GRK5: variants seen among roughly 807,000 people sequenced by gnomAD.
GRK5 encodes the protein g protein-coupled receptor kinase GRK5.
In GRK5, 40 loss-of-function variants were observed where a neutral mutation model predicts 78.4. The ratio of observed to expected loss-of-function variants is 0.51; its 90% CI spans 0.40 to 0.66. The LOEUF (loss-of-function observed/expected upper bound fraction) is 0.66. Among genes scored for constraint, GRK5 ranks in the 30% least tolerant of loss-of-function variants. The pLI, the probability that GRK5 is intolerant of heterozygous loss-of-function variation, is 0.00. For missense variants in GRK5, 598 were observed against 759.9 expected (o/e 0.79, Z 2.50); for synonymous variants, 289 against 296.8 (o/e 0.97, Z 0.27).
At chr10:119,333,825 A>G in intron 2 of GRK5, 1 of 533,056 alleles carries the variant, frequency 1.9e-6, no homozygotes, top group Non-Finnish European at 3.8e-6. Flanking sequence ...ATGGGAGACC[A>G]ACTGAAATTA....
intron 3 of GRK5, among the ~76,000 whole-genome samples, chr10:119,381,803 C>G (rs1851713838): frequency 6.6e-6 from 1 of 152,098 alleles, no homozygotes; most frequent in Non-Finnish European, 1.5e-5. Context: ...CCTGAAGGGC[C>G]CTCATGCCAC....
chr10:119,344,922 C>CTTCCTTCA lies in GRK5; in HGVS notation c.148+18318_148+18319insATTCCTTC, dbSNP rs1254650453. Among the ~76,000 whole-genome samples the CTTCCTTCA allele has an allele frequency of 5.0e-4, 73 of 144,620 alleles. 1 individual carries two copies. Among genetic ancestry groups the CTTCCTTCA allele is most frequent in the African/African-American group, 1.8e-3 (71 of 39,238 alleles). The allele number at this position is 144,620 out of a possible 152,430, so 94.9% of individuals were successfully genotyped here. A position where few individuals can be genotyped will look rare whatever the true frequency, so the allele number is the denominator to read the frequency against. The stretch of plus-strand genomic sequence containing the variant: ...CCTTCCTTCCTTCCTTCCTTCCTTC[C>CTTCCTTCA]TTCCTTCCTTCCTTTTCCTCCCTCC... On this transcript the variant is annotated intron_variant, in intron 2 of 15. Coordinates refer to ENST00000392870, the MANE Select transcript of GRK5 (RefSeq NM_005308.3).
chr10:119,282,570 T>A (rs1849779696), intron 1 of GRK5, among the ~76,000 whole-genome samples: 1 of 152,180 alleles, frequency 6.6e-6, no homozygotes. Flanking sequence ...GCTGCGGCCC[T>A]GGATGGGCTC....
At chr10:119,259,266 G>A (rs1034909494) in intron 1 of GRK5, among the ~76,000 whole-genome samples, 4 of 151,442 alleles carry the variant, frequency 2.6e-5, no homozygotes, top group African/African-American at 4.9e-5. Flanking sequence ...GGGTTTCACC[G>A]TGTTAGCCAG....
intron 1 of GRK5, among the ~76,000 whole-genome samples, chr10:119,225,820 A>T (rs1459932825): frequency 6.9e-6 from 1 of 145,268 alleles, no homozygotes; most frequent in East Asian, 2.0e-4. Context: ...ACAGGCATGC[A>T]CCACTGTGCC....
At chr10:119,212,603 A>G (rs552259772) in intron 1 of GRK5, among the ~76,000 whole-genome samples, 2 of 152,218 alleles carry the variant, frequency 1.3e-5, no homozygotes, top group Non-Finnish European at 2.9e-5. Flanking sequence ...ACTGTGGGCA[A>G]TATTCAAAGT....
intron 1 of GRK5, 131 bp downstream of exon 1, chr10:119,208,100 C>G (rs1396382188): frequency 3.9e-6 from 3 of 778,738 alleles, no homozygotes; most frequent in African/African-American, 3.7e-5. Context: ...GAGCAGGACA[C>G]TTCGGAGAGC....
At chr10:119,351,916 C>G (rs965261676) in intron 2 of GRK5, among the ~76,000 whole-genome samples, 5 of 152,216 alleles carry the variant, frequency 3.3e-5, no homozygotes, top group African/African-American at 1.2e-4. Flanking sequence ...GGATCCAGGT[C>G]TGTCAACTCC....
At chr10:119,295,467 G>T (rs374519039) in intron 1 of GRK5, among the ~76,000 whole-genome samples, 19 of 152,128 alleles carry the variant, frequency 1.2e-4, no homozygotes, top group African/African-American at 4.6e-4. Context: ...CCACTCCTGG[G>T]TATCTACCCA....
At position 119,207,587 on chromosome 10, in the gene GRK5, T is replaced by G; in HGVS notation, c.-331T>G. Reference sequence around the variant, plus strand: ...AGGGGAGGCAGAAGCATCCGAGGCATTAAAGCATCCGAGGGAGCCGGAGGG... The same window carrying G: ...AGGGGAGGCAGAAGCATCCGAGGCAGTAAAGCATCCGAGGGAGCCGGAGGG... On this transcript the variant is annotated 5_prime_UTR_variant, in exon 1 of 16. Coordinates refer to ENST00000392870, the MANE Select transcript of GRK5 (RefSeq NM_005308.3). 2 of 272,530 alleles carry G rather than the reference T, an allele frequency of 7.3e-6. No homozygotes were observed. The highest frequency in any genetic ancestry group is 1.4e-4 in the East Asian group (1 of 7,350). 16.9% of individuals were successfully genotyped at this position (272,530 alleles called of 1,614,324 possible).
intron 1 of GRK5, among the ~76,000 whole-genome samples, chr10:119,312,680 C>T (rs1006899973): frequency 6.6e-6 from 1 of 152,086 alleles, no homozygotes; most frequent in Non-Finnish European, 1.5e-5. Flanking sequence ...CAGTAGGGGC[C>T]GAATCATGGT....
chr10:119,437,623 G>A (rs575708555), intron 9 of GRK5, among the ~76,000 whole-genome samples: 1 of 152,160 alleles, frequency 6.6e-6, no homozygotes, highest in South Asian at 2.1e-4. Flanking sequence ...TGCACAGAAA[G>A]CTCTTTAGTG....
Position 119,443,553 on chromosome 10 carries a change from T to C in GRK5, c.1067T>C (p.Val356Ala). ...VGTVGYMAPE[V>A]LNNQRYGLSP... ...TCTCCTCTGCCCCCAGCTCCAGAGGTCCTGAACAACCAGAGGTACGGCCTG... is the reference window on the plus strand; with the variant it reads ...TCTCCTCTGCCCCCAGCTCCAGAGGCCCTGAACAACCAGAGGTACGGCCTG... The change falls in exon 12 of 16, where the codon GTC (valine) becomes GCC (alanine). Residue 356 changes from valine (V) to alanine (A), a missense_variant. By Grantham distance (64) the Val-to-Ala change is moderately conservative (BLOSUM62 0). Transcript: ENST00000392870. 1.2e-6 allele frequency: 2 copies of C among 1,605,910 alleles called. No homozygotes were observed. Among genetic ancestry groups the C allele is most frequent in the Non-Finnish European group, 1.7e-6 (2 of 1,173,478 alleles).
rs111728253 is a variant in GRK5 at position 119,353,842 on chromosome 10, T to C, written c.149-26973T>C. Among the ~76,000 whole-genome samples the C allele has an allele frequency of 4.4e-3, 677 of 152,210 alleles. 3 individuals carry two copies. The highest frequency in any genetic ancestry group is 0.016 in the African/African-American group (656 of 41,524). ...CAGGTGCTGTTTGGAAATGTCTTTTTTCCCCACATCACTTTTGTCCTGGAA... is the reference window on the plus strand; with the variant it reads ...CAGGTGCTGTTTGGAAATGTCTTTTCTCCCCACATCACTTTTGTCCTGGAA... On this transcript the variant is annotated intron_variant, in intron 2 of 15. Transcript: ENST00000392870.
chr10:119,227,608 G>T (rs1848762429), intron 1 of GRK5, among the ~76,000 whole-genome samples: 1 of 152,020 alleles, frequency 6.6e-6, no homozygotes, highest in African/African-American at 2.4e-5. Context: ...AACAAACATG[G>T]TAGCCTTGTT....
At chr10:119,279,518 G>T (rs1849724849) in intron 1 of GRK5, among the ~76,000 whole-genome samples, 1 of 152,038 alleles carries the variant, frequency 6.6e-6, no homozygotes, top group African/African-American at 2.4e-5. Context: ...GGTGCTACTA[G>T]GGGGGTGGGA....
At chr10:119,241,660 T>A (rs914456550) in intron 1 of GRK5, among the ~76,000 whole-genome samples, 3 of 152,194 alleles carry the variant, frequency 2.0e-5, no homozygotes, top group Admixed American at 2.0e-4. Context: ...ACAGTCGGGG[T>A]GGCTGGGAAC....
chr10:119,347,624 T>C (rs1851119442), intron 2 of GRK5, among the ~76,000 whole-genome samples: 1 of 152,240 alleles, frequency 6.6e-6, no homozygotes, highest in Admixed American at 6.5e-5. Context: ...AATGGGGTGT[T>C]GTGGAGAGTG....
chr10:119,370,647 G>A (rs1851531785), intron 2 of GRK5, among the ~76,000 whole-genome samples: 1 of 152,204 alleles, frequency 6.6e-6, no homozygotes. Flanking sequence ...AAACGTCAGA[G>A]AGCTTTTTCC....
Sources: allele counts gnomAD v4.1 joint callset (sites outside exome capture counted in the v4.1 genomes callset), GRCh38; gene constraint gnomAD v4.1.1; transcripts MANE v1.5; gene names NCBI Gene and HGNC (gene_info 2026-07-23, HGNC 2026-07-21).